LRCH1: variants seen among roughly 807,000 people sequenced by gnomAD.
LRCH1 encodes leucine rich repeats and calponin homology domain containing 1, also known as leucine-rich repeat and calponin homology domain-containing protein 1.
Under a neutral mutation model 94.9 loss-of-function variants are expected in LRCH1, and 23 were observed. That is an observed-to-expected ratio of 0.24 (90% CI 0.17 to 0.34). LRCH1 has a LOEUF of 0.34. LRCH1 is among the 10% of genes least tolerant of loss of function. The pLI, the probability that LRCH1 is intolerant of heterozygous loss-of-function variation, is 1.00. For synonymous variants in LRCH1, 364 were observed against 354.9 expected (o/e 1.03, Z -0.29); for missense variants, 790 against 945.9 (o/e 0.84, Z 2.16).
At position 46,659,163 on chromosome 13, in the gene LRCH1, GATTTATTT is replaced by G. The variant is rs67901139; in HGVS notation, c.452+8854_452+8861del. ...TTTTTCTGATACTCCAAATACTTCA[GATTTATTT>G]ATTTATTTATTTATTTATTTATTTA... On this transcript the variant is annotated intron_variant, in intron 2 of 19. Transcript: ENST00000389797. 1.4e-3 allele frequency among the ~76,000 whole-genome samples: 206 copies of G among 149,108 alleles called. 1 individual carries two copies. Among genetic ancestry groups the G allele is most frequent in the Middle Eastern group, 3.4e-3 (1 of 292 alleles).
At chr13:46,696,195 TACACACACACACACACACAC>T (rs10553999) in intron 9 of LRCH1, among the ~76,000 whole-genome samples, 2 of 147,094 alleles carry the variant, frequency 1.4e-5, no homozygotes, top group Non-Finnish European at 3.0e-5. Context: ...TGCATGTGTG[TACACACACACACACACACAC>T]ACACACACAC....
intron 13 of LRCH1, among the ~76,000 whole-genome samples, chr13:46,705,928 T>A (rs1474766057): frequency 6.6e-6 from 1 of 152,124 alleles, no homozygotes; most frequent in Non-Finnish European, 1.5e-5. Flanking sequence ...GAGAGAGAAG[T>A]TCGAGCTGGT....
intron 1 of LRCH1, among the ~76,000 whole-genome samples, chr13:46,580,321 G>A (rs888191121): frequency 6.6e-6 from 1 of 152,074 alleles, no homozygotes; most frequent in South Asian, 2.1e-4. Context: ...ACTTTTTCTT[G>A]TAGGGCCCTT....
At position 46,573,866 on chromosome 13, in the gene LRCH1, A is replaced by ATATATATATATATATATATATATTTT; in HGVS notation, c.307+20164_307+20165insATATATATATATATATATATATTTTT. ...GTCAAATATATATATATATATATAT[A>ATATATATATATATATATATATATTTT]TTTTTTTTTTTTTTGAGATGGAGTC... On this transcript the variant is annotated intron_variant, in intron 1 of 19. Coordinates refer to ENST00000389797, the MANE Select transcript of LRCH1 (RefSeq NM_001164211.2). Among the ~76,000 whole-genome samples, 270 of 63,164 alleles carry ATATATATATATATATATATATATTTT rather than the reference A, an allele frequency of 4.3e-3. 4 individuals are homozygous for ATATATATATATATATATATATATTTT. The highest frequency in any genetic ancestry group is 9.5e-3 in the Admixed American group (44 of 4,612). The allele number at this position is 63,164 out of a possible 152,430, so 41.4% of individuals were successfully genotyped here. A position where few individuals can be genotyped will look rare whatever the true frequency, so the allele number is the denominator to read the frequency against.
At chr13:46,741,016 C>T (rs559306556) in intron 19 of LRCH1, among the ~76,000 whole-genome samples, 6 of 152,258 alleles carry the variant, frequency 3.9e-5, no homozygotes. Flanking sequence ...AGAAGCCTCC[C>T]CTAGACTTTT....
chr13:46,676,131 T>A (rs1244879291), intron 3 of LRCH1, among the ~76,000 whole-genome samples: 1 of 152,038 alleles, frequency 6.6e-6, no homozygotes, highest in African/African-American at 2.4e-5. Flanking sequence ...CATGGTGGCA[T>A]GCACCTGTAA....
chr13:46,731,855 T>C (rs1418102988), intron 18 of LRCH1, among the ~76,000 whole-genome samples: 2 of 152,056 alleles, frequency 1.3e-5, no homozygotes, highest in Admixed American at 6.5e-5. Context: ...CTAGCTCCCT[T>C]TCCTTCTCTA....
intron 1 of LRCH1, among the ~76,000 whole-genome samples, chr13:46,607,626 TTCC>T (rs987023388): frequency 6.6e-6 from 1 of 151,814 alleles, no homozygotes; most frequent in African/African-American, 2.4e-5. Context: ...CTTTCTCCCC[TTCC>T]TCCTCTTCCT....
rs528764969 is a variant in LRCH1 at position 46,555,299 on chromosome 13, G to A, written c.307+1596G>A. On this transcript the variant is annotated intron_variant, in intron 1 of 19. Transcript: ENST00000389797. ...CTGCTATAGAGTGTACCGTGAGCTAGCTATGCTATGGTTGGCTATATCTGC... is the reference window on the plus strand; with the variant it reads ...CTGCTATAGAGTGTACCGTGAGCTAACTATGCTATGGTTGGCTATATCTGC... Among the ~76,000 whole-genome samples the A allele has an allele frequency of 3.3e-5, 5 of 152,322 alleles. No individual in the cohort carries two copies. The East Asian group carries it at 9.6e-4, about 29-fold the overall frequency.
chr13:46,710,655 T>A (rs1282081464), intron 13 of LRCH1, among the ~76,000 whole-genome samples: 1 of 152,220 alleles, frequency 6.6e-6, no homozygotes, highest in Non-Finnish European at 1.5e-5. Context: ...ATTTGTGACA[T>A]TTTATTCTAA....
chr13:46,732,859 C>T (rs977731344), intron 18 of LRCH1, among the ~76,000 whole-genome samples: 1 of 152,162 alleles, frequency 6.6e-6, no homozygotes, highest in South Asian at 2.1e-4. Context: ...CAGCTGCTGG[C>T]GACATCTCTT....
chr13:46,615,363 C>G (rs1217273172), intron 1 of LRCH1, among the ~76,000 whole-genome samples: 1 of 152,126 alleles, frequency 6.6e-6, no homozygotes, highest in African/African-American at 2.4e-5. Context: ...CCAACCAGCT[C>G]TTGTGTGAAC....
chr13:46,721,940 A>G (rs537477378), intron 16 of LRCH1, among the ~76,000 whole-genome samples: 21 of 152,244 alleles, frequency 1.4e-4, no homozygotes, highest in Non-Finnish European at 2.8e-4. Flanking sequence ...ATGCATGTTC[A>G]AAGGCACAAA....
At chr13:46,707,997 G>A (rs1455479294) in intron 13 of LRCH1, among the ~76,000 whole-genome samples, 5 of 152,292 alleles carry the variant, frequency 3.3e-5, no homozygotes, top group East Asian at 3.9e-4. Flanking sequence ...TGTAAAAGGC[G>A]TGGCCCTGCT....
chr13:46,699,519 C>T lies in LRCH1; in HGVS notation c.1313+116C>T. Reference sequence around the variant, plus strand: ...GCTTTTCTGTGGGCAAGCTGATATTCTTACAGACAATATTGATAAGAAGTT... The same window carrying T: ...GCTTTTCTGTGGGCAAGCTGATATTTTTACAGACAATATTGATAAGAAGTT... On this transcript the variant is annotated intron_variant, in intron 10 of 19. Transcript: ENST00000389797. The T allele has an allele frequency of 1.2e-5, 10 of 865,350 alleles. No individual in the cohort carries two copies. In the South Asian group the frequency reaches 1.5e-4, roughly 13 times the overall value. The allele number at this position is 865,350 out of a possible 1,614,324, so 53.6% of individuals were successfully genotyped here. A position where few individuals can be genotyped will look rare whatever the true frequency, so the allele number is the denominator to read the frequency against.
intron 2 of LRCH1, among the ~76,000 whole-genome samples, chr13:46,652,657 A>C (rs1001104573): frequency 1.3e-5 from 2 of 152,192 alleles, no homozygotes; most frequent in Admixed American, 6.5e-5. Context: ...CTCCTAAGAC[A>C]TCTGTACTCT....
At chr13:46,675,259 C>G (rs1008374036) in intron 3 of LRCH1, among the ~76,000 whole-genome samples, 1 of 152,152 alleles carries the variant, frequency 6.6e-6, no homozygotes, top group African/African-American at 2.4e-5. Flanking sequence ...TGTTAGAACA[C>G]AATAAAATTG....
At chr13:46,663,461 A>G (rs1298279820) in intron 2 of LRCH1, among the ~76,000 whole-genome samples, 4 of 152,270 alleles carry the variant, frequency 2.6e-5, no homozygotes, top group Middle Eastern at 3.4e-3. Context: ...ACATTTTGCC[A>G]TGGTGGATTT....
intron 1 of LRCH1, among the ~76,000 whole-genome samples, chr13:46,597,321 T>C (rs1450660717): frequency 6.6e-6 from 1 of 152,082 alleles, no homozygotes; most frequent in African/African-American, 2.4e-5. Flanking sequence ...CTGTTTAAAA[T>C]GGCTCCCCAA....
Sources: gnomAD v4.1 joint callset for allele counts (sites outside exome capture counted in the v4.1 genomes callset) on GRCh38, gnomAD v4.1.1 for gene constraint, MANE v1.5 for transcripts, NCBI Gene and HGNC (gene_info 2026-07-23, HGNC 2026-07-21) for gene names.